Variants in ZNF710 observed in about 807,000 individuals in gnomAD.
ZNF710 encodes zinc finger protein 710.
Under a neutral mutation model 50.6 loss-of-function variants are expected in ZNF710, and 13 were observed. The ratio of observed to expected loss-of-function variants is 0.26; its 90% confidence interval spans 0.17 to 0.41. The LOEUF (loss-of-function observed/expected upper bound fraction) is 0.41. ZNF710 is among the 10% of genes least tolerant of loss of function. The probability of loss-of-function intolerance (pLI) is 1.00; values close to 1 mark genes in which losing one functional copy is unlikely to be tolerated. For missense variants in ZNF710, 721 were observed against 936.6 expected, an observed-to-expected ratio of 0.77 and a Z score of 3.01; for synonymous variants, 383 against 397.0, an observed-to-expected ratio of 0.96 and a Z score of 0.42.
intron 3 of ZNF710, 107 bp from the exon 4 acceptor site, chr15:90,074,009 A>AG: frequency 8.0e-7 from 1 of 1,254,274 alleles, no homozygotes; most frequent in Non-Finnish European, 1.1e-6. Context: ...ACAAAAAAAA[A>AG]AAACAAAAGA....
chr15:90,017,471 G>A (rs942096364), intron 1 of ZNF710, among the ~76,000 whole-genome samples: 2 of 151,900 alleles, frequency 1.3e-5, no homozygotes, highest in African/African-American at 4.8e-5. Context: ...TGTGTGTGGT[G>A]CCATATTTAT....
intron 1 of ZNF710, among the ~76,000 whole-genome samples, chr15:90,045,801 G>A (rs549475067): frequency 1.3e-5 from 2 of 152,282 alleles, no homozygotes; most frequent in Admixed American, 6.5e-5. Flanking sequence ...GTTGCAGCGG[G>A]CTGTGGTGCA....
rs1170186952 is a variant in ZNF710, at chr15:90,034,443, T to C, written c.-28-32667T>C. Among the ~76,000 whole-genome samples the C allele has an allele frequency of 6.8e-6, 1 of 147,758 alleles. No homozygotes were observed. Among genetic ancestry groups the C allele is most frequent in the Admixed American group, 6.7e-5 (1 of 14,942 alleles). On this transcript the variant is annotated intron_variant, in intron 1 of 4. Transcript: ENST00000268154. This position sits in a 1 kb window ranked among gnomAD's most constrained non-coding sequence, Gnocchi z 4.0. ...TTCCAAATTCCTGTGTGTGTGTGTG[T>C]GTGTGTGTGTGTGTGTGTGTGTGTG...
At chr15:90,072,757 C>T (rs1205068861) in intron 2 of ZNF710, among the ~76,000 whole-genome samples, 1 of 152,142 alleles carries the variant, frequency 6.6e-6, no homozygotes. Context: ...ACACATTTGC[C>T]TTAGTGCACT....
At chr15:90,077,424 T>G (rs1900619991) in intron 4 of ZNF710, among the ~76,000 whole-genome samples, 1 of 152,024 alleles carries the variant, frequency 6.6e-6, no homozygotes, top group Non-Finnish European at 1.5e-5. Context: ...TTTTGTATTT[T>G]TAGTAGAGAC....
chr15:90,014,166 A>G (rs981674189), intron 1 of ZNF710, among the ~76,000 whole-genome samples: 4 of 152,078 alleles, frequency 2.6e-5, no homozygotes, highest in Non-Finnish European at 4.4e-5. Flanking sequence ...CTTAGCTGTA[A>G]AATGAAAGGA....
intron 1 of ZNF710, among the ~76,000 whole-genome samples, chr15:90,014,558 G>C (rs889818522): frequency 6.7e-6 from 1 of 150,292 alleles, no homozygotes; most frequent in Non-Finnish European, 1.5e-5. Flanking sequence ...TTATGACCTG[G>C]TTTAACTAGA....
rs1365415052 is a variant in ZNF710 at position 90,062,076 on chromosome 15, G to C, written c.-28-5034G>C. 2.6e-5 allele frequency among the ~76,000 whole-genome samples: 4 copies of C among 151,908 alleles called. No individual in the cohort carries two copies. The highest frequency in any genetic ancestry group is 9.7e-5 in the African/African-American group (4 of 41,320). The stretch of plus-strand genomic sequence containing the variant: ...GAGCCCTGGGAAATAGGGCAGTCCT[G>C]GGCTTCCGGTGTCACTGCACGCCCC... On this transcript the variant is annotated intron_variant, in intron 1 of 4. Coordinates refer to ENST00000268154, the MANE Select transcript of ZNF710 (RefSeq NM_198526.4). This position sits in a 1 kb window ranked among gnomAD's most constrained non-coding sequence, Gnocchi z 5.6.
chr15:90,008,082 G>A (rs1292340198), intron 1 of ZNF710, among the ~76,000 whole-genome samples: 2 of 152,086 alleles, frequency 1.3e-5, no homozygotes, highest in Non-Finnish European at 2.9e-5. Context: ...GTGGCAACAG[G>A]AAATTGGGGT....
chr15:90,067,682 T>C lies in ZNF710; in HGVS notation c.545T>C (p.Leu182Pro). The C allele has an allele frequency of 6.2e-7, 1 of 1,612,716 alleles. No individual in the cohort carries two copies. The highest frequency in any genetic ancestry group is 8.5e-7 in the Non-Finnish European group (1 of 1,179,582). The change falls in exon 2 of 5, where the codon CTG (leucine) becomes CCG (proline). Residue 182 changes from leucine to proline, a missense_variant. Physicochemically the swap from Leu to Pro is moderately conservative, Grantham distance 98. Around this residue, in one of 3 missense-constraint regions of ZNF710, gnomAD observed 326 missense variants for 347.1 expected, o/e 0.94. Transcript: ENST00000268154. This position sits in a 1 kb window ranked among gnomAD's most constrained non-coding sequence, Gnocchi z 8.1. ...RHLPRTPRPE[L>P]NVAPYDPHFP... ...CTGCCCCGAACCCCGAGGCCGGAGC[T>C]GAACGTGGCCCCATATGACCCTCAC...
At chr15:90,055,634 C>A (rs916673312) in intron 1 of ZNF710, among the ~76,000 whole-genome samples, 1 of 152,226 alleles carries the variant, frequency 6.6e-6, no homozygotes, top group Non-Finnish European at 1.5e-5. Context: ...GGGACAGCTG[C>A]GTGGCAGAAC....
At chr15:90,031,213 A>G (rs1898938948) in intron 1 of ZNF710, among the ~76,000 whole-genome samples, 1 of 152,136 alleles carries the variant, frequency 6.6e-6, no homozygotes, top group African/African-American at 2.4e-5. Flanking sequence ...AATAGTTGTG[A>G]GTTTAATCCA....
intron 4 of ZNF710, chr15:90,075,289 G>A (rs1467162242): frequency 2.0e-5 from 3 of 152,300 alleles, no homozygotes; most frequent in African/African-American, 7.2e-5. Context: ...GGGAGGCCGA[G>A]GCAGGAGGAT....
At chr15:90,007,471 A>C (rs554094458) in intron 1 of ZNF710, among the ~76,000 whole-genome samples, 1 of 152,102 alleles carries the variant, frequency 6.6e-6, no homozygotes, top group South Asian at 2.1e-4. Context: ...ACATGTGTGC[A>C]CTTTTCTGGG....
intron 1 of ZNF710, among the ~76,000 whole-genome samples, chr15:90,033,235 G>A (rs1369589635): frequency 1.3e-5 from 2 of 152,194 alleles, no homozygotes; most frequent in Non-Finnish European, 2.9e-5. Flanking sequence ...TTGACCCCAC[G>A]TGGCAGGACT....
chr15:90,073,619 A>G (rs923086247), intron 3 of ZNF710, among the ~76,000 whole-genome samples: 1 of 152,148 alleles, frequency 6.6e-6, no homozygotes. Context: ...GTGACCCCCA[A>G]TGGATGGCTT....
At chr15:90,074,004 A>AAAC in intron 3 of ZNF710, 112 bp from the exon 4 acceptor site, 2 of 1,214,080 alleles carry the variant, frequency 1.6e-6, no homozygotes, top group Admixed American at 3.2e-5. Context: ...AAAAAACAAA[A>AAAC]AAAAAAAACA....
chr15:90,020,447 A>G (rs557496989), intron 1 of ZNF710, among the ~76,000 whole-genome samples: 6 of 151,848 alleles, frequency 4.0e-5, no homozygotes, highest in African/African-American at 1.2e-4. Flanking sequence ...AGTTCTGCCA[A>G]GAAGGCCATG....
intron 1 of ZNF710, among the ~76,000 whole-genome samples, chr15:90,031,502 G>A (rs1321662728): frequency 2.6e-5 from 4 of 152,214 alleles, no homozygotes; most frequent in Non-Finnish European, 4.4e-5. Context: ...GACTAGAGAG[G>A]TTAAGTGAGG....
Sources: allele counts gnomAD v4.1 joint callset (sites outside exome capture counted in the v4.1 genomes callset), GRCh38; gene constraint gnomAD v4.1.1; regional missense constraint gnomAD v4.1.1; non-coding constraint Gnocchi (gnomAD v3.1); transcripts MANE v1.5; gene names NCBI Gene and HGNC (gene_info 2026-07-23, HGNC 2026-07-21).